AGTPBP1: variants seen among roughly 807,000 people sequenced by gnomAD.
The protein encoded by AGTPBP1 is cytosolic carboxypeptidase 1.
Under a neutral mutation model 143.9 loss-of-function variants are expected in AGTPBP1, and 70 were observed. That is an observed-to-expected ratio of 0.49 (90% CI 0.40 to 0.59). AGTPBP1 has a LOEUF of 0.59. Among genes scored for constraint, AGTPBP1 ranks in the 20% least tolerant of loss-of-function variants. AGTPBP1 has a pLI of 0.00. For missense variants in AGTPBP1, 1,229 were observed against 1,464.5 expected, an observed-to-expected ratio of 0.84 and a Z score of 2.62; for synonymous variants, 463 against 500.2, an observed-to-expected ratio of 0.93 and a Z score of 0.99.
At chr9:85,716,783 T>TAG (rs1837731633) in intron 1 of AGTPBP1, among the ~76,000 whole-genome samples, 1 of 152,122 alleles carries the variant, frequency 6.6e-6, no homozygotes, top group Non-Finnish European at 1.5e-5. Flanking sequence ...ACACCTTAAG[T>TAG]AGATTTTTGT....
intron 1 of AGTPBP1, among the ~76,000 whole-genome samples, chr9:85,735,218 C>T (rs893983393): frequency 1.8e-4 from 27 of 152,206 alleles, no homozygotes; most frequent in African/African-American, 5.8e-4. Flanking sequence ...TCCTGACACA[C>T]GGTACAACAT....
At chr9:85,651,241 G>A (rs1374838702) in intron 11 of AGTPBP1, among the ~76,000 whole-genome samples, 1 of 152,062 alleles carries the variant, frequency 6.6e-6, no homozygotes. Context: ...AATTTTCAAA[G>A]TGTCCATAGT....
intron 25 of AGTPBP1, among the ~76,000 whole-genome samples, chr9:85,557,417 C>T (rs932557746): frequency 6.6e-6 from 1 of 152,134 alleles, no homozygotes; most frequent in African/African-American, 2.4e-5. Flanking sequence ...TTATAAGCAA[C>T]TACGATTTCC....
chr9:85,677,652 T>C (rs1834918792), intron 5 of AGTPBP1, 70 bp from the exon 6 acceptor site: 4 of 1,269,616 alleles, frequency 3.2e-6, no homozygotes, highest in Non-Finnish European at 4.2e-6. Context: ...AACAAACATA[T>C]TAGGTATCAT....
At chr9:85,639,866 C>A (rs138347262) in intron 13 of AGTPBP1, among the ~76,000 whole-genome samples, 11 of 152,298 alleles carry the variant, frequency 7.2e-5, no homozygotes, top group Non-Finnish European at 1.3e-4. Flanking sequence ...GGTGAGGTCA[C>A]TTCACAAAGG....
intron 17 of AGTPBP1, among the ~76,000 whole-genome samples, chr9:85,601,842 G>T (rs1272102793): frequency 6.6e-6 from 1 of 152,042 alleles, no homozygotes; most frequent in Non-Finnish European, 1.5e-5. Flanking sequence ...TGGCCGACCT[G>T]GCATCCTCAT....
intron 18 of AGTPBP1, among the ~76,000 whole-genome samples, chr9:85,594,317 T>C (rs1321849506): frequency 6.6e-6 from 1 of 152,218 alleles, no homozygotes; most frequent in Non-Finnish European, 1.5e-5. Context: ...CAGATTTTAA[T>C]CTTTATCATC....
chr9:85,609,560 C>T (rs749816768), intron 17 of AGTPBP1, among the ~76,000 whole-genome samples: 9 of 152,166 alleles, frequency 5.9e-5, no homozygotes, highest in African/African-American at 7.2e-5. Flanking sequence ...GGATTACAGA[C>T]GTGAGCCACC....
chr9:85,695,793 A>G (rs1164527047), intron 2 of AGTPBP1, among the ~76,000 whole-genome samples: 3 of 152,106 alleles, frequency 2.0e-5, no homozygotes, highest in Non-Finnish European at 2.9e-5. Context: ...TGGACAAACA[A>G]TGATTATTCA....
At chr9:85,695,636 T>C (rs192470120) in intron 2 of AGTPBP1, among the ~76,000 whole-genome samples, 29 of 152,286 alleles carry the variant, frequency 1.9e-4, no homozygotes, top group African/African-American at 6.5e-4. Flanking sequence ...GTGTACATCA[T>C]CTTAATATTC....
chr9:85,691,536 GGT>G lies in AGTPBP1; in HGVS notation c.157+1151_157+1152del, dbSNP rs58713865. On this transcript the variant is annotated intron_variant, in intron 3 of 25. Coordinates refer to ENST00000357081, the MANE Select transcript of AGTPBP1 (RefSeq NM_001330701.2). Reference sequence around the variant, plus strand: ...TTTCTCTTATCCAAAAAAAAAAGAGGGTGTGTGTGTGTGTGTGTGTGTGTGTG... The same window carrying G: ...TTTCTCTTATCCAAAAAAAAAAGAGGGTGTGTGTGTGTGTGTGTGTGTGTG... 6.7e-3 allele frequency among the ~76,000 whole-genome samples: 961 copies of G among 144,370 alleles called. 8 individuals carry two copies. The highest frequency in any genetic ancestry group is 0.018 in the African/African-American group (723 of 39,612). 94.7% of individuals were successfully genotyped at this position (144,370 alleles called of 152,430 possible). A position where few individuals can be genotyped will look rare whatever the true frequency, so the allele number is the denominator to read the frequency against.
At chr9:85,603,967 C>T (rs117437378) in intron 17 of AGTPBP1, among the ~76,000 whole-genome samples, 2,562 of 152,294 alleles carry the variant, frequency 0.017, 32 homozygotes, top group Middle Eastern at 0.054. Context: ...TTAGCTGCAG[C>T]AGAATAGAAC....
chr9:85,644,175 T>C (rs1832669633), intron 12 of AGTPBP1, among the ~76,000 whole-genome samples: 1 of 151,854 alleles, frequency 6.6e-6, no homozygotes, highest in Non-Finnish European at 1.5e-5. Context: ...TAATAGAGAT[T>C]GATTTTATTT....
At chr9:85,562,714 CTTAG>C (rs1826820718) in intron 25 of AGTPBP1, among the ~76,000 whole-genome samples, 2 of 152,214 alleles carry the variant, frequency 1.3e-5, no homozygotes, top group Admixed American at 1.3e-4. Flanking sequence ...TTACCTTTTT[CTTAG>C]TTTATTTAAA....
chr9:85,590,847 A>G (rs1828914744), intron 19 of AGTPBP1, among the ~76,000 whole-genome samples: 1 of 152,168 alleles, frequency 6.6e-6, no homozygotes, highest in Admixed American at 6.5e-5. Context: ...TACAGCTACA[A>G]AGGTGAGAAA....
chr9:85,728,952 G>A (rs1199223911), intron 1 of AGTPBP1, among the ~76,000 whole-genome samples: 2 of 152,168 alleles, frequency 1.3e-5, no homozygotes, highest in Admixed American at 6.5e-5. Context: ...CACTTTTAAT[G>A]TTAATTGTAC....
At chr9:85,654,433 G>T (rs1833363574) in intron 11 of AGTPBP1, among the ~76,000 whole-genome samples, 2 of 151,766 alleles carry the variant, frequency 1.3e-5, no homozygotes, top group South Asian at 4.2e-4. Flanking sequence ...TAGTAATTTT[G>T]GTGATTAGGT....
At chr9:85,735,411 CAG>C (rs2134786527) in intron 1 of AGTPBP1, among the ~76,000 whole-genome samples, 1 of 152,180 alleles carries the variant, frequency 6.6e-6, no homozygotes, top group African/African-American at 2.4e-5. Flanking sequence ...TTAATATATA[CAG>C]AGTTTCAATT....
At chr9:85,757,934 G>C in the AGTPBP1 span, among the ~76,000 whole-genome samples, 2 of 152,234 alleles carry the variant, frequency 1.3e-5, no homozygotes, top group African/African-American at 4.8e-5. Context: ...ATGCAAGTCT[G>C]CATATGAATT....
Sources: allele counts gnomAD v4.1 joint callset (sites outside exome capture counted in the v4.1 genomes callset), GRCh38; gene constraint gnomAD v4.1.1; transcripts MANE v1.5; gene names NCBI Gene and HGNC (gene_info 2026-07-23, HGNC 2026-07-21).